The following PCDHA10 variants were observed in gnomAD, a reference collection of about 807,000 sequenced individuals.
PCDHA10 encodes protocadherin alpha 10.
PCDHA10 carries 45 observed loss-of-function variants against 61.2 expected under a neutral mutation model. That is an observed-to-expected ratio of 0.74 (90% CI 0.58 to 0.94). The LOEUF (loss-of-function observed/expected upper bound fraction) is 0.94. Ranked by LOEUF, PCDHA10 falls within the 40% of genes least tolerant of loss-of-function variation. The pLI is 0.00. For missense variants in PCDHA10, 1,278 were observed against 1,236.2 expected (o/e 1.03, Z -0.51); for synonymous variants, 602 against 548.8 (o/e 1.10, Z -1.35).
chr5:140,875,521 T>C (rs2055562442), intron 1 of PCDHA10: 2 of 1,614,014 alleles, frequency 1.2e-6, no homozygotes, highest in Non-Finnish European at 1.7e-6. Flanking sequence ...TCTGCTGCTC[T>C]CGCTTCTGCT....
chr5:140,926,742 C>G (rs1454782151), intron 1 of PCDHA10: 2 of 1,199,338 alleles, frequency 1.7e-6, no homozygotes, highest in East Asian at 5.8e-5. Context: ...GGAGGCGCAA[C>G]GTCGGCGGTC....
Position 140,876,041 on chromosome 5 carries a change from T to A in PCDHA10, c.2388+17605T>A, listed in dbSNP as rs1554168219. The A allele has an allele frequency of 1.9e-6, 3 of 1,613,848 alleles. No homozygotes were observed. Among genetic ancestry groups the A allele is most frequent in the South Asian group, 2.2e-5 (2 of 91,072 alleles). On this transcript the variant is annotated intron_variant, in intron 1 of 3. Transcript: ENST00000307360. ...ATAAAAACAAAAAAAGATAAAAGTATATTGCCTGAATTAGTTCTTCGGAAG... is the reference window on the plus strand; with the variant it reads ...ATAAAAACAAAAAAAGATAAAAGTAAATTGCCTGAATTAGTTCTTCGGAAG...
At chr5:140,938,190 C>T (rs2091964057) in intron 1 of PCDHA10, among the ~76,000 whole-genome samples, 1 of 152,212 alleles carries the variant, frequency 6.6e-6, no homozygotes. Flanking sequence ...AAGCAATCCT[C>T]CCACGCCAGC....
chr5:140,858,726 C>A (rs115774489), intron 1 of PCDHA10: 4 of 481,590 alleles, frequency 8.3e-6, no homozygotes, highest in African/African-American at 8.1e-5. Context: ...GCAGTTCTGA[C>A]GATTTACTTT....
chr5:140,967,112 C>T (rs1338076103), intron 1 of PCDHA10: 4 of 1,612,876 alleles, frequency 2.5e-6, no homozygotes, highest in East Asian at 2.2e-5. Flanking sequence ...GCAGCGGCCT[C>T]GCTGCCTGCT....
intron 3 of PCDHA10, among the ~76,000 whole-genome samples, chr5:140,984,944 TC>T (rs1554246626): frequency 6.6e-6 from 1 of 151,930 alleles, no homozygotes; most frequent in Non-Finnish European, 1.5e-5. Flanking sequence ...AAATGTCTAA[TC>T]TTTTTTTTTT....
intron 1 of PCDHA10, among the ~76,000 whole-genome samples, chr5:140,920,841 T>TA (rs781921146): frequency 0.047 from 5,179 of 109,134 alleles, 120 homozygotes; most frequent in African/African-American, 0.092. Flanking sequence ...AGACCAAATC[T>TA]AAAAAAAAAA....
chr5:140,926,469 C>A (rs558686220), intron 1 of PCDHA10: 1 of 162,452 alleles, frequency 6.2e-6, no homozygotes, highest in Admixed American at 6.4e-5. Context: ...TAGAAAACAC[C>A]GTTTAAGGAG....
intron 1 of PCDHA10, among the ~76,000 whole-genome samples, chr5:140,978,370 A>T (rs78042832): frequency 6.6e-6 from 1 of 152,200 alleles, no homozygotes; most frequent in Non-Finnish European, 1.5e-5. Context: ...AAACTCTGCA[A>T]TAGTTTGTTT....
At chr5:140,985,818 C>T (rs1377098916) in intron 3 of PCDHA10, among the ~76,000 whole-genome samples, 1 of 142,038 alleles carries the variant, frequency 7.0e-6, no homozygotes, top group Non-Finnish European at 1.5e-5. Flanking sequence ...CAGCTCACAA[C>T]AAGCTCTGCC....
At chr5:140,866,702 C>T (rs251370) in intron 1 of PCDHA10, 67,860 of 151,870 alleles carry the variant, frequency 0.45, 15,551 homozygotes, top group South Asian at 0.58. Flanking sequence ...CAGTGGATGA[C>T]GTGCACTAGT....
chr5:140,902,963 G>T (rs2069893804), intron 1 of PCDHA10, among the ~76,000 whole-genome samples: 1 of 152,180 alleles, frequency 6.6e-6, no homozygotes, highest in Non-Finnish European at 1.5e-5. Context: ...CTTGTTGGCT[G>T]ATGGGCATTT....
At chr5:140,989,171 G>A (rs2097331816) in intron 3 of PCDHA10, among the ~76,000 whole-genome samples, 1 of 152,116 alleles carries the variant, frequency 6.6e-6, no homozygotes, top group African/African-American at 2.4e-5. Flanking sequence ...GCATAAAACA[G>A]GAGAGTTTCT....
chr5:140,941,202 C>CCTTCCTTTCTTTCTTTCTTTCTTT (rs1554213920), intron 1 of PCDHA10, among the ~76,000 whole-genome samples: 8 of 122,742 alleles, frequency 6.5e-5, no homozygotes, highest in Non-Finnish European at 1.1e-4. Flanking sequence ...TTTCTTTCTT[C>CCTTCCTTTCTTTCTTTCTTTCTTT]CTTTCTTTCT....
intron 1 of PCDHA10, among the ~76,000 whole-genome samples, chr5:140,963,325 C>T (rs1156299692): frequency 2.0e-5 from 3 of 152,156 alleles, no homozygotes; most frequent in Non-Finnish European, 4.4e-5. Flanking sequence ...ATTAGAATTA[C>T]ACAGATAAAT....
intron 1 of PCDHA10, among the ~76,000 whole-genome samples, chr5:140,890,896 T>A (rs2062845405): frequency 6.6e-6 from 1 of 152,182 alleles, no homozygotes; most frequent in African/African-American, 2.4e-5. Context: ...ATTATTGTCT[T>A]TCCATGTTAG....
intron 3 of PCDHA10, among the ~76,000 whole-genome samples, chr5:141,000,421 A>ATATT (rs1265241806): frequency 1.1e-4 from 3 of 27,978 alleles, no homozygotes; most frequent in Non-Finnish European, 1.7e-4. Flanking sequence ...ATATATATAT[A>ATATT]TTTTTTTTTT....
intron 3 of PCDHA10, among the ~76,000 whole-genome samples, chr5:141,003,916 A>C (rs1176586597): frequency 3.9e-5 from 6 of 152,150 alleles, no homozygotes; most frequent in African/African-American, 1.4e-4. Context: ...TCTTGACTGC[A>C]TCCTCAGTCT....
chr5:140,931,414 T>C (rs2087515742), intron 1 of PCDHA10, among the ~76,000 whole-genome samples: 1 of 151,886 alleles, frequency 6.6e-6, no homozygotes, highest in Non-Finnish European at 1.5e-5. Context: ...GGCTGATGAA[T>C]CTAGAAGTTA....
Sources: allele counts gnomAD v4.1 joint callset (sites outside exome capture counted in the v4.1 genomes callset), GRCh38; gene constraint gnomAD v4.1.1; transcripts MANE v1.5; gene names NCBI Gene and HGNC (gene_info 2026-07-23, HGNC 2026-07-21).